Variants in PRLR observed in about 807,000 individuals in gnomAD.
PRLR encodes hPRL receptor.
PRLR carries 13 observed loss-of-function variants against 40.2 expected under a neutral mutation model. The observed-to-expected ratio is 0.32, with a 90% CI of 0.21 to 0.51. PRLR has a LOEUF of 0.51. PRLR is among the 20% of genes least tolerant of loss of function. PRLR has a pLI of 0.97. For missense variants in PRLR, 656 were observed against 747.3 expected, an observed-to-expected ratio of 0.88 and a Z score of 1.42; for synonymous variants, 269 against 278.7, an observed-to-expected ratio of 0.97 and a Z score of 0.35.
At chr5:35,188,256 T>C (rs563218409) in intron 1 of PRLR, among the ~76,000 whole-genome samples, 1 of 152,368 alleles carries the variant, frequency 6.6e-6, no homozygotes, top group South Asian at 2.1e-4. Flanking sequence ...TTTTGGGCCA[T>C]CTGATTTGTT....
chr5:35,067,886 T>C (rs1769477979), intron 9 of PRLR, among the ~76,000 whole-genome samples: 1 of 152,236 alleles, frequency 6.6e-6, no homozygotes. Flanking sequence ...GTCCCTGTTT[T>C]GCATTAATCA....
intron 1 of PRLR, among the ~76,000 whole-genome samples, chr5:35,222,172 G>A (rs1012508023): frequency 2.6e-4 from 40 of 152,074 alleles, no homozygotes; most frequent in Admixed American, 1.2e-3. Context: ...GCTTGGTGGC[G>A]CGTGCCTGTA....
intron 2 of PRLR, among the ~76,000 whole-genome samples, chr5:35,101,984 T>C (rs1173341742): frequency 6.6e-6 from 1 of 151,888 alleles, no homozygotes; most frequent in African/African-American, 2.4e-5. Flanking sequence ...CGTGCCACCA[T>C]GCCCAGCTAA....
At chr5:35,098,463 G>A (rs1452378382) in intron 2 of PRLR, among the ~76,000 whole-genome samples, 1 of 152,192 alleles carries the variant, frequency 6.6e-6, no homozygotes, top group Admixed American at 6.5e-5. Context: ...TGTCACGGTT[G>A]TTTGTTTGTT....
rs555899498 is a variant in PRLR, at chr5:35,058,711, CATG to C, written c.*6375_*6377del. On this transcript the variant is annotated 3_prime_UTR_variant, in exon 10 of 10. Transcript: ENST00000618457. ...TAAGTAATGATTTTCATTTGTATTA[CATG>C]ATGAGTTTCACAACATGAGGATTAC... 50 of 152,230 alleles carry C rather than the reference CATG, an allele frequency of 3.3e-4. No individual in the cohort carries two copies. The East Asian group carries it at 9.3e-3, about 28-fold the overall frequency. 9.4% of individuals were successfully genotyped at this position (152,230 alleles called of 1,614,324 possible). A position where few individuals can be genotyped will look rare whatever the true frequency, so the allele number is the denominator to read the frequency against.
chr5:35,068,913 T>A (rs1769572606), intron 7 of PRLR, 35 bp from the exon 8 acceptor site: 3 of 1,475,828 alleles, frequency 2.0e-6, no homozygotes, highest in East Asian at 4.6e-5. Context: ...TTTGATCACG[T>A]ACAGCATCAT....
chr5:35,175,784 A>G (rs1775130604), intron 1 of PRLR, among the ~76,000 whole-genome samples: 1 of 152,210 alleles, frequency 6.6e-6, no homozygotes, highest in Non-Finnish European at 1.5e-5. Flanking sequence ...CATATAATCA[A>G]GAATACACTT....
rs1282279472 is a variant in PRLR at position 35,065,194 on chromosome 5, A to T, written c.1764T>A (p.Ala588=). Reference sequence around the variant, plus strand: ...CAGTGAAGTTGGCCAGGGCTTTCTCAGCTTGATTCTGTTCAAGTGATGGTG... The same window carrying T: ...CAGTGAAGTTGGCCAGGGCTTTCTCTGCTTGATTCTGTTCAAGTGATGGTG... ...EAPPSLEQNQ[A]EKALANFTAT... Residue 588 remains alanine (A), a synonymous_variant, in exon 10 of 10, where the codon GCT becomes GCA. Transcript: ENST00000618457. The T allele has an allele frequency of 1.2e-6, 2 of 1,614,182 alleles. No individual in the cohort carries two copies. The highest frequency in any genetic ancestry group is 1.7e-6 in the Non-Finnish European group (2 of 1,180,034).
chr5:35,110,164 C>T (rs1291438140), intron 2 of PRLR, among the ~76,000 whole-genome samples: 1 of 151,996 alleles, frequency 6.6e-6, no homozygotes, highest in Non-Finnish European at 1.5e-5. Flanking sequence ...GGGATTTGAA[C>T]AATGAGAACA....
intron 3 of PRLR, 62 bp from the exon 4 acceptor site, chr5:35,086,402 G>T (rs1770852296): frequency 1.3e-6 from 2 of 1,583,042 alleles, no homozygotes; most frequent in African/African-American, 2.7e-5. Context: ...TGACCCTTCT[G>T]CTGGTGACAG....
At chr5:35,188,053 AC>A (rs1166973492) in intron 1 of PRLR, among the ~76,000 whole-genome samples, 1 of 152,230 alleles carries the variant, frequency 6.6e-6, no homozygotes, top group Non-Finnish European at 1.5e-5. Context: ...TGTGTCAGCA[AC>A]CTTTTTTGTC....
intron 1 of PRLR, among the ~76,000 whole-genome samples, chr5:35,150,020 G>C (rs368576836): frequency 6.6e-6 from 1 of 152,208 alleles, no homozygotes; most frequent in African/African-American, 2.4e-5. Flanking sequence ...GAGTAGCTGG[G>C]ATTACAGGCA....
chr5:35,204,215 A>C (rs1412775532), intron 1 of PRLR, among the ~76,000 whole-genome samples: 6 of 116,234 alleles, frequency 5.2e-5, no homozygotes, highest in Non-Finnish European at 9.8e-5. Context: ...TTTCTGTCTC[A>C]AAAAAAAAAA....
intron 1 of PRLR, among the ~76,000 whole-genome samples, chr5:35,172,533 G>A (rs1272097450): frequency 2.0e-5 from 3 of 152,126 alleles, no homozygotes; most frequent in Admixed American, 6.5e-5. Flanking sequence ...TGACCCTTCC[G>A]ACATGGGTTG....
At chr5:35,189,770 G>C (rs62355522) in intron 1 of PRLR, among the ~76,000 whole-genome samples, 10,054 of 152,042 alleles carry the variant, frequency 0.066, 331 homozygotes, top group Middle Eastern at 0.12. Context: ...CCTTAGGTTC[G>C]TTATCTACAA....
At chr5:35,066,306 C>T (rs569542345) in intron 9 of PRLR, among the ~76,000 whole-genome samples, 13 of 151,800 alleles carry the variant, frequency 8.6e-5, no homozygotes, top group Admixed American at 3.3e-4. Context: ...GGATATTTAA[C>T]GTAGTCTCTC....
chr5:35,125,967 CAGCAAATTAGT>C (rs1479007180), intron 1 of PRLR, among the ~76,000 whole-genome samples: 1 of 152,154 alleles, frequency 6.6e-6, no homozygotes, highest in African/African-American at 2.4e-5. Flanking sequence ...CCTTACGAAG[CAGCAAATTAGT>C]AGCATGTGTC....
At chr5:35,083,613 G>A (rs967005106) in intron 5 of PRLR, among the ~76,000 whole-genome samples, 4 of 151,052 alleles carry the variant, frequency 2.6e-5, no homozygotes, top group Non-Finnish European at 5.9e-5. Context: ...TCCACCTCCT[G>A]GGTTCAAGCA....
intron 1 of PRLR, among the ~76,000 whole-genome samples, chr5:35,118,880 A>G (rs1292181676): frequency 1.3e-5 from 2 of 151,436 alleles, no homozygotes; most frequent in Non-Finnish European, 2.9e-5. Flanking sequence ...CAACCTCCCC[A>G]GGCTCAGGTG....
Sources: allele counts gnomAD v4.1 joint callset (sites outside exome capture counted in the v4.1 genomes callset), GRCh38; gene constraint gnomAD v4.1.1; transcripts MANE v1.5; gene names NCBI Gene and HGNC (gene_info 2026-07-23, HGNC 2026-07-21).